CEMIP2: variants seen among roughly 807,000 people sequenced by gnomAD.
CEMIP2 encodes cell migration inducing hyaluronidase 2, also known as cell surface hyaluronidase CEMIP2.
In CEMIP2, 79 loss-of-function variants were observed where a neutral mutation model predicts 146.9. The observed-to-expected ratio is 0.54, with a 90% CI of 0.45 to 0.65. CEMIP2 has a LOEUF of 0.65. Ranked by LOEUF, CEMIP2 falls within the 30% of genes least tolerant of loss-of-function variation. The pLI is 0.00. For missense variants in CEMIP2, 1,596 were observed against 1,696.2 expected, an observed-to-expected ratio of 0.94 and a Z score of 1.04; for synonymous variants, 601 against 606.3, an observed-to-expected ratio of 0.99 and a Z score of 0.13.
At chr9:71,706,430 C>T (rs1564001345) in intron 17 of CEMIP2, among the ~76,000 whole-genome samples, 1 of 152,046 alleles carries the variant, frequency 6.6e-6, no homozygotes, top group African/African-American at 2.4e-5. Context: ...GGTCCATAGT[C>T]CTACGATTCC....
rs562543367 is a variant in CEMIP2, at chr9:71,723,136, G to GGAAAA, written c.2179-622_2179-621insTTTTC. 1.7e-4 allele frequency among the ~76,000 whole-genome samples: 18 copies of GGAAAA among 104,224 alleles called. 1 individual carries two copies. The highest frequency in any genetic ancestry group is 2.9e-4 in the Non-Finnish European group (16 of 54,752). The allele number at this position is 104,224 out of a possible 152,430, so 68.4% of individuals were successfully genotyped here. The stretch of plus-strand genomic sequence containing the variant: ...TGGCAGAGAGCATGGAACAGCCAAA[G>GGAAAA]AAAAAAAAAAAAAAAACAAAACCAT... On this transcript the variant is annotated intron_variant, in intron 11 of 23. Coordinates refer to ENST00000377044, the MANE Select transcript of CEMIP2 (RefSeq NM_013390.3).
chr9:71,759,544 G>A (rs1824563389), intron 1 of CEMIP2, among the ~76,000 whole-genome samples: 1 of 152,136 alleles, frequency 6.6e-6, no homozygotes, highest in South Asian at 2.1e-4. Flanking sequence ...GAGGTTCCAG[G>A]GAGAATGAGG....
intron 1 of CEMIP2, among the ~76,000 whole-genome samples, chr9:71,765,701 G>A (rs1824770200): frequency 6.6e-6 from 1 of 151,966 alleles, no homozygotes; most frequent in African/African-American, 2.4e-5. Context: ...TGCACTTATT[G>A]GACCTTCTAA....
Position 71,698,201 on chromosome 9 carries a change from T to C in CEMIP2, c.3381A>G (p.Leu1127=). Reference sequence around the variant, plus strand: ...TTTTGGCTTTGAGATACAAAAACAGTAACCTGCACAAAACAGAAACCAATC... The same window carrying C: ...TTTTGGCTTTGAGATACAAAAACAGCAACCTGCACAAAACAGAAACCAATC... The part of the protein sequence containing the change: ...RKFYFDSSTG[L]LFLYLKAKSH... The change falls in exon 20 of 24, where the codon TTA becomes TTG. Residue 1127 remains leucine, a synonymous_variant. Transcript: ENST00000377044. 1 of 1,613,828 alleles carries C rather than the reference T, an allele frequency of 6.2e-7. No individual in the cohort carries two copies. The highest frequency in any genetic ancestry group is 8.5e-7 in the Non-Finnish European group (1 of 1,179,784).
chr9:71,709,618 G>A (rs1822849458), intron 16 of CEMIP2, 144 bp from the exon 17 acceptor site: 3 of 675,360 alleles, frequency 4.4e-6, no homozygotes, highest in Non-Finnish European at 7.6e-6. Context: ...GTCAGCTATG[G>A]CACTCAAGTC....
chr9:71,746,636 T>C (rs1824099471), intron 2 of CEMIP2, among the ~76,000 whole-genome samples: 1 of 143,156 alleles, frequency 7.0e-6, no homozygotes, highest in African/African-American at 2.5e-5. Context: ...CTGAATCATC[T>C]ACTCTGGAAA....
chr9:71,710,299 C>T (rs965488910), intron 16 of CEMIP2, among the ~76,000 whole-genome samples: 1 of 152,162 alleles, frequency 6.6e-6, no homozygotes. Context: ...TGAAGTCAGG[C>T]AGATACCTCT....
At chr9:71,699,464 A>AAG (rs1491297263) in intron 19 of CEMIP2, 1 of 418,286 alleles carries the variant, frequency 2.4e-6, no homozygotes, top group Non-Finnish European at 4.6e-6. Flanking sequence ...AAAAAAAAAA[A>AAG]AGAAAGAAAG....
At chr9:71,743,820 AT>A (rs1428316714) in intron 4 of CEMIP2, among the ~76,000 whole-genome samples, 1 of 152,132 alleles carries the variant, frequency 6.6e-6, no homozygotes, top group East Asian at 1.9e-4. Flanking sequence ...TTTCTTCACT[AT>A]TTTTTGTCTT....
intron 1 of CEMIP2, among the ~76,000 whole-genome samples, chr9:71,758,155 G>C (rs748600512): frequency 2.0e-4 from 31 of 152,124 alleles, no homozygotes; most frequent in Non-Finnish European, 4.0e-4. Context: ...TATACATACA[G>C]CTATTTATGA....
intron 1 of CEMIP2, among the ~76,000 whole-genome samples, chr9:71,758,494 C>T (rs1409737799): frequency 6.6e-6 from 1 of 152,114 alleles, no homozygotes; most frequent in African/African-American, 2.4e-5. Context: ...AAACAGGTTA[C>T]AGTAGTAAAT....
Position 71,761,501 on chromosome 9 carries a change from T to C in CEMIP2, c.-13+6856A>G, listed in dbSNP as rs561643679. ...CCCAGACTGAAATAATCCAAGGCTG[T>C]TCAATCCAGCATCATAGTAAAGTTT... On this transcript the variant is annotated intron_variant, in intron 1 of 23. Coordinates refer to ENST00000377044, the MANE Select transcript of CEMIP2 (RefSeq NM_013390.3). Among the ~76,000 whole-genome samples the C allele has an allele frequency of 2.5e-4, 38 of 152,332 alleles. No homozygotes were observed. The East Asian group carries it at 6.9e-3, about 28-fold the overall frequency.
chr9:71,704,760 A>G lies in CEMIP2; in HGVS notation c.3029T>C (p.Ile1010Thr). Residue 1010 changes from isoleucine (I) to threonine (T), a missense_variant, in exon 18 of 24, where the codon ATT becomes ACT. Physicochemically the swap from Ile to Thr is moderately conservative, Grantham distance 89. Transcript: ENST00000377044. ...TWSTQNLSMT[I>T]TRDEYPSNPM... ...GTTGGACGGATACTCATCTCGTGTA[A>G]TGGTCATAGAAAGATTCTGAGTGCT... 6.2e-7 allele frequency: 1 copy of G among 1,614,172 alleles called. No homozygotes were observed. The highest frequency in any genetic ancestry group is 8.5e-7 in the Non-Finnish European group (1 of 1,180,022).
intron 1 of CEMIP2, among the ~76,000 whole-genome samples, chr9:71,761,541 G>A (rs1824638401): frequency 6.6e-6 from 1 of 152,188 alleles, no homozygotes; most frequent in Admixed American, 6.5e-5. Context: ...CAATGGCAGG[G>A]CCAGGACCAG....
At chr9:71,763,274 T>TTTGGAGA (rs1193600938) in intron 1 of CEMIP2, among the ~76,000 whole-genome samples, 4 of 152,138 alleles carry the variant, frequency 2.6e-5, no homozygotes, top group Non-Finnish European at 5.9e-5. Context: ...AGGCTTGCTG[T>TTTGGAGA]CTCCAAAGTG....
At chr9:71,760,018 T>TAAA (rs34841456) in intron 1 of CEMIP2, among the ~76,000 whole-genome samples, 14,987 of 143,776 alleles carry the variant, frequency 0.1, 805 homozygotes, top group East Asian at 0.15. Context: ...TAAATTTACT[T>TAAA]AAAAAAAAAA....
chr9:71,710,398 C>T (rs528012165), intron 16 of CEMIP2, among the ~76,000 whole-genome samples: 10 of 152,326 alleles, frequency 6.6e-5, no homozygotes, highest in South Asian at 4.1e-4. Context: ...AAAACTGTGA[C>T]GTCTAGGACA....
chr9:71,711,309 C>G (rs1270018844), intron 16 of CEMIP2, among the ~76,000 whole-genome samples: 1 of 152,038 alleles, frequency 6.6e-6, no homozygotes, highest in African/African-American at 2.4e-5. Context: ...CACCTACACT[C>G]CCAATACTTT....
chr9:71,685,964 C>A, intron 22 of CEMIP2, 118 bp from the exon 23 acceptor site: 1 of 719,890 alleles, frequency 1.4e-6, no homozygotes, highest in Admixed American at 2.8e-5. Context: ...AGCAGAACTC[C>A]AAAAAGAAAA....
Sources: allele counts gnomAD v4.1 joint callset (sites outside exome capture counted in the v4.1 genomes callset), GRCh38; gene constraint gnomAD v4.1.1; transcripts MANE v1.5; gene names NCBI Gene and HGNC (gene_info 2026-07-23, HGNC 2026-07-21).